FHIT: variants seen among roughly 807,000 people sequenced by gnomAD.
FHIT encodes fragile histidine triad diadenosine triphosphatase.
A neutral mutation model predicts 17.9 loss-of-function variants in FHIT; 19 were observed. That is an observed-to-expected ratio of 1.06 (90% CI 0.74 to 1.56). The LOEUF (loss-of-function observed/expected upper bound fraction) is 1.56. Ranked by LOEUF, FHIT falls within the 40% of genes most tolerant of loss-of-function variation. The pLI, the probability that FHIT is intolerant of heterozygous loss-of-function variation, is 0.00. For synonymous variants in FHIT, 81 were observed against 69.7 expected (o/e 1.16, Z -0.81); for missense variants, 248 against 189.2 (o/e 1.31, Z -1.82).
chr3:60,768,728 C>T (rs1372111904), intron 4 of FHIT, among the ~76,000 whole-genome samples: 1 of 152,220 alleles, frequency 6.6e-6, no homozygotes, highest in African/African-American at 2.4e-5. Flanking sequence ...GTGAGGGGCC[C>T]TGGCAAGGCA....
chr3:60,538,618 G>GC (rs1189957085), intron 4 of FHIT, among the ~76,000 whole-genome samples: 3 of 152,050 alleles, frequency 2.0e-5, no homozygotes, highest in Non-Finnish European at 4.4e-5. Flanking sequence ...ACAGAACAGA[G>GC]CCCTCAGAAA....
At chr3:59,835,048 C>T (rs1378192438) in intron 8 of FHIT, among the ~76,000 whole-genome samples, 1 of 152,152 alleles carries the variant, frequency 6.6e-6, no homozygotes, top group Admixed American at 6.6e-5. Flanking sequence ...CTTACTCATG[C>T]AGACCTTGTT....
intron 4 of FHIT, among the ~76,000 whole-genome samples, chr3:60,676,203 A>G (rs1180021675): frequency 6.6e-6 from 1 of 152,168 alleles, no homozygotes; most frequent in Non-Finnish European, 1.5e-5. Flanking sequence ...CTGTATCTGC[A>G]TGGCCAAAGT....
At chr3:60,236,995 C>T (rs1473614858) in intron 5 of FHIT, among the ~76,000 whole-genome samples, 1 of 152,108 alleles carries the variant, frequency 6.6e-6, no homozygotes, top group African/African-American at 2.4e-5. Context: ...AGATAAGGAA[C>T]ATACCTCATC....
intron 7 of FHIT, among the ~76,000 whole-genome samples, chr3:60,001,984 T>C (rs1487506462): frequency 6.6e-6 from 1 of 152,152 alleles, no homozygotes; most frequent in Non-Finnish European, 1.5e-5. Flanking sequence ...CGAACTGATA[T>C]ATGGACCCCA....
chr3:60,185,267 C>T (rs1181563255), intron 5 of FHIT, among the ~76,000 whole-genome samples: 1 of 152,000 alleles, frequency 6.6e-6, no homozygotes, highest in Admixed American at 6.6e-5. Flanking sequence ...AAAAAAAAAT[C>T]GCATGTTTCA....
intron 5 of FHIT, among the ~76,000 whole-genome samples, chr3:60,194,987 G>A (rs981990187): frequency 7.2e-5 from 11 of 152,116 alleles, no homozygotes; most frequent in African/African-American, 2.4e-4. Flanking sequence ...CCAACATGGA[G>A]AAACGCTGTA....
chr3:60,040,664 T>C (rs558102165), intron 5 of FHIT, among the ~76,000 whole-genome samples: 43 of 152,278 alleles, frequency 2.8e-4, no homozygotes, highest in African/African-American at 1.0e-3. Flanking sequence ...AGGCTAAGCC[T>C]GTATCATAAA....
At chr3:60,819,469 A>T (rs889681003) in intron 4 of FHIT, among the ~76,000 whole-genome samples, 8 of 152,172 alleles carry the variant, frequency 5.3e-5, no homozygotes, top group African/African-American at 1.7e-4. Flanking sequence ...ATTTTACCTT[A>T]TTTCTTTGGT....
At chr3:60,172,685 C>G (rs554457265) in intron 5 of FHIT, among the ~76,000 whole-genome samples, 113 of 152,198 alleles carry the variant, frequency 7.4e-4, no homozygotes, top group Middle Eastern at 3.4e-3. Context: ...GTGGAAAAAA[C>G]TTAGTATATG....
At chr3:60,700,194 T>A (rs2041213736) in intron 4 of FHIT, among the ~76,000 whole-genome samples, 1 of 151,176 alleles carries the variant, frequency 6.6e-6, no homozygotes, top group Non-Finnish European at 1.5e-5. Context: ...CAATACGCTA[T>A]CCCAGCACTA....
intron 8 of FHIT, among the ~76,000 whole-genome samples, chr3:59,897,917 C>T (rs963529724): frequency 2.0e-5 from 3 of 152,084 alleles, no homozygotes; most frequent in Admixed American, 6.5e-5. Flanking sequence ...CAGGCACCCG[C>T]CACCACGCCT....
chr3:59,921,705 G>A (rs1333018264), intron 8 of FHIT, among the ~76,000 whole-genome samples: 1 of 152,228 alleles, frequency 6.6e-6, no homozygotes, highest in Admixed American at 6.5e-5. Context: ...CCACAAGGTG[G>A]AAATGGGCAT....
At chr3:60,281,121 A>T (rs903212229) in intron 5 of FHIT, among the ~76,000 whole-genome samples, 6 of 66,038 alleles carry the variant, frequency 9.1e-5, no homozygotes, top group African/African-American at 3.0e-4. Context: ...AAAATAAAAC[A>T]CATAGATGTA....
At chr3:59,832,053 C>A (rs1426822119) in intron 8 of FHIT, among the ~76,000 whole-genome samples, 1 of 152,100 alleles carries the variant, frequency 6.6e-6, no homozygotes, top group East Asian at 1.9e-4. Flanking sequence ...TTACTCCTTA[C>A]CCAGTGATCC....
intron 4 of FHIT, among the ~76,000 whole-genome samples, chr3:60,574,224 C>T (rs1466251896): frequency 6.6e-6 from 1 of 151,988 alleles, no homozygotes; most frequent in African/African-American, 2.4e-5. Context: ...CACTGTGAGC[C>T]CTCTCCTTTT....
At chr3:61,089,268 A>C (rs1311185477) in intron 2 of FHIT, among the ~76,000 whole-genome samples, 2 of 152,220 alleles carry the variant, frequency 1.3e-5, no homozygotes, top group African/African-American at 2.4e-5. Context: ...ACCATTTTTA[A>C]GTGTACAGTT....
chr3:61,079,174 G>A (rs2035057211), intron 2 of FHIT, among the ~76,000 whole-genome samples: 5 of 152,152 alleles, frequency 3.3e-5, no homozygotes. Flanking sequence ...AGTCACAAAA[G>A]CTAGCAAGTT....
rs943293319 is a variant in FHIT, at chr3:60,408,938, T to C, written c.103+127922A>G. On this transcript the variant is annotated intron_variant, in intron 5 of 9. Coordinates refer to ENST00000492590, the MANE Select transcript of FHIT (RefSeq NM_002012.4). The stretch of plus-strand genomic sequence containing the variant: ...TAAAGAATGGATATCCTCCAGCAGA[T>C]GACAGCAAAAAATTCTGTAGCACAG... Among the ~76,000 whole-genome samples the C allele has an allele frequency of 6.6e-5, 10 of 152,234 alleles. 1 individual carries two copies. The highest frequency in any genetic ancestry group is 4.6e-4 in the Admixed American group (7 of 15,296).
Sources: gnomAD v4.1 joint callset for allele counts (sites outside exome capture counted in the v4.1 genomes callset) on GRCh38, gnomAD v4.1.1 for gene constraint, MANE v1.5 for transcripts, NCBI Gene and HGNC (gene_info 2026-07-23, HGNC 2026-07-21) for gene names.